NBEAL1: variants seen among roughly 807,000 people sequenced by gnomAD.
NBEAL1 encodes the protein neurobeachin-like protein 1.
A neutral mutation model predicts 351.3 loss-of-function variants in NBEAL1; 273 were observed. The ratio of observed to expected loss-of-function variants is 0.78; its 90% CI spans 0.70 to 0.86. The LOEUF is 0.86. Ranked by LOEUF, NBEAL1 falls within the 40% of genes least tolerant of loss-of-function variation. NBEAL1 has a pLI of 0.00. For missense variants in NBEAL1, 2,961 were observed against 3,201.3 expected, an observed-to-expected ratio of 0.92 and a Z score of 1.81; for synonymous variants, 1,050 against 1,086.4, an observed-to-expected ratio of 0.97 and a Z score of 0.66.
At chr2:203,130,772 G>A (rs2063054802) in intron 25 of NBEAL1, among the ~76,000 whole-genome samples, 1 of 152,094 alleles carries the variant, frequency 6.6e-6, no homozygotes, top group African/African-American at 2.4e-5. Context: ...CATTTCAACA[G>A]CTAATAATAA....
At chr2:203,032,328 A>G (rs1367270895) in intron 2 of NBEAL1, among the ~76,000 whole-genome samples, 1 of 152,176 alleles carries the variant, frequency 6.6e-6, no homozygotes, top group Non-Finnish European at 1.5e-5. Flanking sequence ...GTAATTTGTT[A>G]TGCAGGAATA....
intron 3 of NBEAL1, among the ~76,000 whole-genome samples, chr2:203,044,744 C>T (rs2061200095): frequency 6.6e-6 from 1 of 152,088 alleles, no homozygotes. Context: ...AGTCAAATCA[C>T]CTTGAAGATA....
rs2062942560 is a variant in NBEAL1 at position 203,126,663 on chromosome 2, A to G, written c.3092A>G (p.Tyr1031Cys). Residue 1031 changes from tyrosine to cysteine, a missense_variant, in exon 22 of 56, where the codon TAT becomes TGT. Transcript: ENST00000683969. ...NMQLLQQMYQ[Y>C]LLFDFRIWNR... ...CAGCTCCTGCAACAAATGTATCAAT[A>G]TTTACTCTTTGACTTTCGTATTTGG... The G allele has an allele frequency of 2.0e-6, 3 of 1,529,564 alleles. No individual in the cohort carries two copies. The highest frequency in any genetic ancestry group is 2.6e-6 in the Non-Finnish European group (3 of 1,138,896). 94.7% of individuals were successfully genotyped at this position (1,529,564 alleles called of 1,614,324 possible).
intron 3 of NBEAL1, among the ~76,000 whole-genome samples, chr2:203,044,553 G>A (rs1346965295): frequency 3.9e-5 from 6 of 152,022 alleles, no homozygotes; most frequent in African/African-American, 9.7e-5. Context: ...GACTTATATT[G>A]CCACTATGTT....
intron 54 of NBEAL1, among the ~76,000 whole-genome samples, chr2:203,212,588 CAG>C (rs1447158493): frequency 7.4e-6 from 1 of 135,198 alleles, no homozygotes; most frequent in Non-Finnish European, 1.5e-5. Context: ...GCCTGGGTGA[CAG>C]AGCGAGACTC....
Position 203,193,802 on chromosome 2 carries a change from A to G in NBEAL1, c.6929A>G (p.His2310Arg), listed in dbSNP as rs2065162680. 6.2e-7 allele frequency: 1 copy of G among 1,608,946 alleles called. No individual in the cohort carries two copies. The highest frequency in any genetic ancestry group is 8.5e-7 in the Non-Finnish European group (1 of 1,176,988). Residue 2310 changes from histidine to arginine, a missense_variant, in exon 47 of 56, where the codon CAC (histidine) becomes CGC (arginine). By Grantham distance (29) the His-to-Arg change is conservative (BLOSUM62 0). Transcript: ENST00000683969. ...QTPCQLLKEP[H>R]PPRLSAEEAV... The stretch of plus-strand genomic sequence containing the variant: ...CTTAAAATTATTTTGAAGGAACCAC[A>G]CCCTCCAAGATTATCAGCAGAAGAA...
At chr2:203,070,386 C>T (rs1461233464) in intron 7 of NBEAL1, among the ~76,000 whole-genome samples, 1 of 91,278 alleles carries the variant, frequency 1.1e-5, no homozygotes, top group Non-Finnish European at 2.1e-5. Flanking sequence ...TTTTGAGAAA[C>T]AGGGTATTGC....
In NBEAL1 at chr2:203,220,889, GT is replaced by G. The variant is rs531091063; in HGVS notation, c.*3538del. On this transcript the variant is annotated 3_prime_UTR_variant, in exon 56 of 56. Coordinates refer to ENST00000683969, the MANE Select transcript of NBEAL1 (RefSeq NM_001378026.1). ...AACAAAATTAAAATCTGTTAACTTTGTTTAGGTCACAGTGCAGTGCATCCTT... is the reference window on the plus strand; with the variant it reads ...AACAAAATTAAAATCTGTTAACTTTGTTAGGTCACAGTGCAGTGCATCCTT... Among the ~76,000 whole-genome samples the G allele has an allele frequency of 3.5e-3, 534 of 152,254 alleles. 5 individuals are homozygous for G. Among genetic ancestry groups the G allele is most frequent in the Non-Finnish European group, 5.0e-3 (343 of 67,994 alleles).
At chr2:203,149,202 GA>G in intron 34 of NBEAL1, 54 bp downstream of exon 34, 1 of 1,379,606 alleles carries the variant, frequency 7.2e-7, no homozygotes, top group Non-Finnish European at 9.7e-7. Context: ...CTCTGGTCTA[GA>G]AATTTTTGAG....
chr2:203,128,548 G>A (rs2062999647), intron 24 of NBEAL1, among the ~76,000 whole-genome samples: 3 of 151,046 alleles, frequency 2.0e-5, no homozygotes. Context: ...TCTGCGTGGT[G>A]TATGTTTACT....
chr2:203,211,039 T>G lies in NBEAL1; in HGVS notation c.7867T>G (p.Cys2623Gly). The G allele has an allele frequency of 6.2e-7, 1 of 1,607,702 alleles. No individual in the cohort carries two copies. Among genetic ancestry groups the G allele is most frequent in the Non-Finnish European group, 8.5e-7 (1 of 1,175,986 alleles). Residue 2623 changes from cysteine to glycine, a missense_variant, in exon 54 of 56, where the codon TGT becomes GGT. Physicochemically the swap from Cys to Gly is radical, Grantham distance 159 (BLOSUM62 -3). Transcript: ENST00000683969. Reference sequence around the variant, plus strand: ...CCTGAAGGAACAAGTATCAGATATATGTATAATCGGAGAACACATTGTCAC... The same window carrying G: ...CCTGAAGGAACAAGTATCAGATATAGGTATAATCGGAGAACACATTGTCAC... ...QILKEQVSDI[C>G]IIGEHIVTGS...
Position 203,062,304 on chromosome 2 carries a change from C to T in NBEAL1, c.515+4851C>T, listed in dbSNP as rs752213100. 2.9e-5 allele frequency: 14 copies of T among 477,946 alleles called. No homozygotes were observed. The highest frequency in any genetic ancestry group is 1.1e-4 in the South Asian group (7 of 66,454). The allele number at this position is 477,946 out of a possible 1,614,324, so 29.6% of individuals were successfully genotyped here. ...AAGCCAAATTCCTGAAGGTTTCCTG[C>T]GTCACATCTCTATAAGAGTTTCTTC... On this transcript the variant is annotated intron_variant, in intron 6 of 55. Coordinates refer to ENST00000683969, the MANE Select transcript of NBEAL1 (RefSeq NM_001378026.1). This position sits in a 1 kb window ranked among gnomAD's most constrained non-coding sequence, Gnocchi z 4.2.
chr2:203,183,427 G>C, intron 44 of NBEAL1, 39 bp downstream of exon 44: 1 of 1,139,714 alleles, frequency 8.8e-7, no homozygotes, highest in South Asian at 1.4e-5. Context: ...AGAATAATAA[G>C]ATAAAAGATG....
intron 6 of NBEAL1, among the ~76,000 whole-genome samples, chr2:203,063,140 AAGTT>A (rs1298614143): frequency 6.6e-6 from 1 of 152,202 alleles, no homozygotes; most frequent in African/African-American, 2.4e-5. Context: ...GAATCTCAGA[AAGTT>A]AGAAAGATTT....
At chr2:203,192,666 GT>G (rs2065124507) in intron 46 of NBEAL1, among the ~76,000 whole-genome samples, 1 of 152,120 alleles carries the variant, frequency 6.6e-6, no homozygotes, top group South Asian at 2.1e-4. Context: ...GATTACAGGT[GT>G]GAGCCACCGC....
rs988697893 is a variant in NBEAL1 at position 203,194,032 on chromosome 2, C to T, written c.7038+121C>T. On this transcript the variant is annotated intron_variant, in intron 47 of 55. Coordinates refer to ENST00000683969, the MANE Select transcript of NBEAL1 (RefSeq NM_001378026.1). ...ATTTAATTCAAGATAGTAAATTATA[C>T]TGTAATAATCTGTTGTTGGATTTTT... 15 of 481,018 alleles carry T rather than the reference C, an allele frequency of 3.1e-5. No individual in the cohort carries two copies. The South Asian group carries it at 3.7e-4, about 12-fold the overall frequency. 29.8% of individuals were successfully genotyped at this position (481,018 alleles called of 1,614,324 possible). A position where few individuals can be genotyped will look rare whatever the true frequency, so the allele number is the denominator to read the frequency against.
intron 31 of NBEAL1, among the ~76,000 whole-genome samples, chr2:203,141,809 A>AACAGGAACCTCTTTCTGT (rs1193169937): frequency 6.6e-6 from 1 of 152,196 alleles, no homozygotes; most frequent in African/African-American, 2.4e-5. Flanking sequence ...TAAAGGCTAG[A>AACAGGAACCTCTTTCTGT]ACAGGAACCT....
At chr2:203,118,594 C>CTTT (rs5837841) in intron 18 of NBEAL1, among the ~76,000 whole-genome samples, 5 of 144,788 alleles carry the variant, frequency 3.5e-5, no homozygotes, top group Non-Finnish European at 7.6e-5. Flanking sequence ...TGACAGCCAA[C>CTTT]TTTTTTTTTT....
chr2:203,166,808 G>C (rs1559030612), intron 37 of NBEAL1, among the ~76,000 whole-genome samples: 2 of 151,896 alleles, frequency 1.3e-5, no homozygotes, highest in Non-Finnish European at 2.9e-5. Flanking sequence ...GCCCACCTCA[G>C]CCTCCCAAAG....
Sources: allele counts gnomAD v4.1 joint callset (sites outside exome capture counted in the v4.1 genomes callset), GRCh38; gene constraint gnomAD v4.1.1; non-coding constraint Gnocchi (gnomAD v3.1); transcripts MANE v1.5; gene names NCBI Gene and HGNC (gene_info 2026-07-23, HGNC 2026-07-21).